CRACDL: variants seen among roughly 807,000 people sequenced by gnomAD.
CRACDL encodes the protein CRACD-like protein.
A neutral mutation model predicts 70.6 loss-of-function variants in CRACDL; 26 were observed. The observed-to-expected ratio is 0.37, with a 90% confidence interval of 0.27 to 0.51. The LOEUF is 0.51. Ranked by LOEUF, CRACDL falls within the 20% of genes least tolerant of loss-of-function variation. The pLI, the probability that CRACDL is intolerant of heterozygous loss-of-function variation, is 0.94. For missense variants in CRACDL, 1,283 were observed against 1,376.9 expected (o/e 0.93, Z 1.08); for synonymous variants, 618 against 615.2 (o/e 1.00, Z -0.07).
At chr2:98,829,838 G>A (rs919589341) in intron 5 of CRACDL, among the ~76,000 whole-genome samples, 1 of 152,152 alleles carries the variant, frequency 6.6e-6, no homozygotes. Flanking sequence ...AAGCAGGGGG[G>A]CCTGGCTGTT....
intron 1 of CRACDL, 121 bp from the exon 2 acceptor site, chr2:98,846,931 T>A: frequency 1.3e-6 from 1 of 791,190 alleles, no homozygotes. Flanking sequence ...GCAAAGACAG[T>A]CCAGGGCAGA....
intron 2 of CRACDL, among the ~76,000 whole-genome samples, chr2:98,846,157 A>G (rs1706243811): frequency 6.6e-6 from 1 of 152,222 alleles, no homozygotes; most frequent in Admixed American, 6.5e-5. Context: ...CTATCAGGAC[A>G]TAAATAGCAA....
chr2:98,846,930 G>A lies in CRACDL; in HGVS notation c.-10-120C>T. 3.8e-6 allele frequency: 3 copies of A among 790,518 alleles called. No individual in the cohort carries two copies. The South Asian group carries it at 4.6e-5, about 12-fold the overall frequency. 49.0% of individuals were successfully genotyped at this position (790,518 alleles called of 1,614,324 possible). On this transcript the variant is annotated intron_variant, in intron 1 of 9. Coordinates refer to ENST00000397899, the MANE Select transcript of CRACDL (RefSeq NM_207362.3). ...GCCTGCACACACCCCAGCAAAGACA[G>A]TCCAGGGCAGAGTGCAGCACAGTAC...
chr2:98,893,759 T>TC (rs1648072668), intron 1 of CRACDL, among the ~76,000 whole-genome samples: 1 of 152,232 alleles, frequency 6.6e-6, no homozygotes, highest in South Asian at 2.1e-4. Context: ...GAAGGAAGTC[T>TC]CCCACGTCTA....
At chr2:98,915,282 G>A (rs528728133) in intron 1 of CRACDL, among the ~76,000 whole-genome samples, 2 of 152,340 alleles carry the variant, frequency 1.3e-5, no homozygotes, top group South Asian at 4.1e-4. Flanking sequence ...AACAGCACAG[G>A]CTAAGTCCTC....
intron 3 of CRACDL, among the ~76,000 whole-genome samples, chr2:98,835,110 G>A (rs1224880611): frequency 6.6e-6 from 1 of 152,130 alleles, no homozygotes; most frequent in Admixed American, 6.5e-5. Context: ...ATATCATAAG[G>A]AGCCCTGGTT....
chr2:98,848,371 C>T (rs7565614), intron 1 of CRACDL, among the ~76,000 whole-genome samples: 52,537 of 151,756 alleles, frequency 0.35, 9,420 homozygotes, highest in African/African-American at 0.42. Flanking sequence ...TGGTAGCTGC[C>T]GGGGATTCAA....
At chr2:98,808,422 T>G (rs1018513663) in intron 7 of CRACDL, among the ~76,000 whole-genome samples, 5 of 152,146 alleles carry the variant, frequency 3.3e-5, no homozygotes, top group Non-Finnish European at 4.4e-5. Context: ...CCACTGATCT[T>G]GATGCTGCTC....
chr2:98,910,811 T>C (rs1403862522), intron 1 of CRACDL, among the ~76,000 whole-genome samples: 1 of 152,186 alleles, frequency 6.6e-6, no homozygotes, highest in Non-Finnish European at 1.5e-5. Flanking sequence ...CATTTCCTTT[T>C]CTGCAAAGTG....
In CRACDL at chr2:98,822,420, C is replaced by A. The variant is rs1705097439; in HGVS notation, c.1853G>T (p.Gly618Val). ...RSEAALDDLQGLPEPQHAKPG... is the reference protein window; with the variant it reads ...RSEAALDDLQVLPEPQHAKPG... ...TTTCGCGTGCTGGGGCTCGGGGAGACCCTGGAGGTCGTCAAGAGCCGCCTC... is the reference window on the plus strand; with the variant it reads ...TTTCGCGTGCTGGGGCTCGGGGAGAACCTGGAGGTCGTCAAGAGCCGCCTC... The change falls in exon 7 of 10, where the codon GGT becomes GTT. Residue 618 changes from glycine to valine, a missense_variant. By Grantham distance (109) the Gly-to-Val change is moderately radical. Transcript: ENST00000397899. The surrounding 1 kb of genome is among the most constrained non-coding windows in gnomAD (Gnocchi z 4.9). The A allele has an allele frequency of 6.7e-7, 1 of 1,484,572 alleles. No homozygotes were observed. The highest frequency in any genetic ancestry group is 8.9e-7 in the Non-Finnish European group (1 of 1,125,746). The allele number at this position is 1,484,572 out of a possible 1,614,324, so 92.0% of individuals were successfully genotyped here. A position where few individuals can be genotyped will look rare whatever the true frequency, so the allele number is the denominator to read the frequency against.
rs573977492 is a variant in CRACDL at position 98,794,119 on chromosome 2, A to G, written c.*413T>C. 1 of 154,354 alleles carries G rather than the reference A, an allele frequency of 6.5e-6. No homozygotes were observed. The highest frequency in any genetic ancestry group is 1.9e-4 in the East Asian group (1 of 5,224). 9.6% of individuals were successfully genotyped at this position (154,354 alleles called of 1,614,324 possible). ...GATCCACAGGCAAGAGAGCGACCAG[A>G]GACATGGGCTGATCTCAGCTGGAAG... On this transcript the variant is annotated 3_prime_UTR_variant, in exon 10 of 10. Coordinates refer to ENST00000397899, the MANE Select transcript of CRACDL (RefSeq NM_207362.3).
chr2:98,916,992 A>C (rs1311824028), intron 1 of CRACDL, among the ~76,000 whole-genome samples: 1 of 152,224 alleles, frequency 6.6e-6, no homozygotes, highest in Non-Finnish European at 1.5e-5. Flanking sequence ...GAATGAAATG[A>C]AGCTGAGCCT....
chr2:98,859,969 A>G (rs983386469), intron 1 of CRACDL, among the ~76,000 whole-genome samples: 2 of 152,222 alleles, frequency 1.3e-5, no homozygotes, highest in African/African-American at 4.8e-5. Flanking sequence ...ATTTAAGACC[A>G]ATACAAAAAT....
chr2:98,905,374 A>C (rs10192266), intron 1 of CRACDL, among the ~76,000 whole-genome samples: 71,848 of 151,870 alleles, frequency 0.47, 18,751 homozygotes, highest in African/African-American at 0.68. Flanking sequence ...GGCCCTCACC[A>C]GAAGCAGATG....
At chr2:98,913,813 T>A (rs1478856585) in intron 1 of CRACDL, among the ~76,000 whole-genome samples, 3 of 152,180 alleles carry the variant, frequency 2.0e-5, no homozygotes, top group Non-Finnish European at 4.4e-5. Flanking sequence ...GTTTACAGGA[T>A]GCAATCAGCT....
intron 7 of CRACDL, among the ~76,000 whole-genome samples, chr2:98,820,800 C>T (rs891814401): frequency 2.0e-5 from 3 of 152,204 alleles, no homozygotes; most frequent in Non-Finnish European, 2.9e-5. Context: ...GAGAGACTTA[C>T]GTTTTATACA....
intron 1 of CRACDL, among the ~76,000 whole-genome samples, chr2:98,892,010 C>T (rs772583315): frequency 1.3e-5 from 2 of 152,180 alleles, no homozygotes; most frequent in Non-Finnish European, 2.9e-5. Flanking sequence ...AACAATCAGA[C>T]TCCTGGAAAT....
intron 1 of CRACDL, among the ~76,000 whole-genome samples, chr2:98,873,714 C>T (rs1203091545): frequency 1.3e-5 from 2 of 152,218 alleles, no homozygotes; most frequent in Admixed American, 6.5e-5. Context: ...GTTGAAATAA[C>T]TCCACAATTG....
At chr2:98,894,213 G>A (rs1315633719) in intron 1 of CRACDL, among the ~76,000 whole-genome samples, 1 of 152,212 alleles carries the variant, frequency 6.6e-6, no homozygotes, top group Non-Finnish European at 1.5e-5. Context: ...TAGGTATAGG[G>A]GGAGGGAAAG....
Sources: allele counts gnomAD v4.1 joint callset (sites outside exome capture counted in the v4.1 genomes callset), GRCh38; gene constraint gnomAD v4.1.1; non-coding constraint Gnocchi (gnomAD v3.1); transcripts MANE v1.5; gene names NCBI Gene and HGNC (gene_info 2026-07-23, HGNC 2026-07-21).